DOK6: variants seen among roughly 807,000 people sequenced by gnomAD.
The protein encoded by DOK6 is downstream of tyrosine kinase 6.
A neutral mutation model predicts 44.0 loss-of-function variants in DOK6; 22 were observed. The ratio of observed to expected loss-of-function variants is 0.50; its 90% CI spans 0.36 to 0.71. The LOEUF is 0.71. Ranked by LOEUF, DOK6 falls within the 30% of genes least tolerant of loss-of-function variation. The pLI is 0.00. For missense variants in DOK6, 340 were observed against 416.4 expected, an observed-to-expected ratio of 0.82 and a Z score of 1.60; for synonymous variants, 166 against 145.5, an observed-to-expected ratio of 1.14 and a Z score of -1.01.
chr18:69,564,633 G>A, intron 2 of DOK6, 39 bp downstream of exon 2: 1 of 1,506,758 alleles, frequency 6.6e-7, no homozygotes. Flanking sequence ...GAATAACTGG[G>A]CCCTTGAAGA....
intron 1 of DOK6, among the ~76,000 whole-genome samples, chr18:69,417,479 G>A (rs1320616086): frequency 2.0e-5 from 3 of 152,008 alleles, no homozygotes; most frequent in Non-Finnish European, 2.9e-5. Flanking sequence ...TGAATACTTA[G>A]GTTGATACCA....
intron 3 of DOK6, among the ~76,000 whole-genome samples, chr18:69,626,293 T>A (rs4243312): frequency 0.7 from 106,597 of 152,098 alleles, 40,379 homozygotes; most frequent in Non-Finnish European, 0.85. Flanking sequence ...TAAGCCAGAG[T>A]TGTATTTCAT....
At chr18:69,648,824 ATTC>A (rs968631665) in intron 3 of DOK6, among the ~76,000 whole-genome samples, 1 of 152,162 alleles carries the variant, frequency 6.6e-6, no homozygotes, top group African/African-American at 2.4e-5. Context: ...ACAGTAGTAA[ATTC>A]TTTTTTATTT....
chr18:69,700,218 T>TATATATATATATATATATAC (rs1986486384), intron 5 of DOK6, among the ~76,000 whole-genome samples: 1 of 104,246 alleles, frequency 9.6e-6, no homozygotes, highest in Admixed American at 1.0e-4. Context: ...TATATATACA[T>TATATATATATATATATATAC]ATATATATAT....
At chr18:69,704,547 C>A (rs1480287174) in intron 5 of DOK6, among the ~76,000 whole-genome samples, 1 of 144,556 alleles carries the variant, frequency 6.9e-6, no homozygotes, top group Admixed American at 7.2e-5. Flanking sequence ...GGCGCAATCT[C>A]GGCTCACTGC....
At chr18:69,500,781 T>C (rs930846424) in intron 1 of DOK6, among the ~76,000 whole-genome samples, 6 of 152,178 alleles carry the variant, frequency 3.9e-5, no homozygotes, top group African/African-American at 1.4e-4. Flanking sequence ...TTAATTTCAG[T>C]CAATATAGTT....
At chr18:69,414,443 G>A (rs1288213355) in intron 1 of DOK6, among the ~76,000 whole-genome samples, 4 of 152,008 alleles carry the variant, frequency 2.6e-5, no homozygotes, top group African/African-American at 9.7e-5. Flanking sequence ...GAAAATTATG[G>A]TGGGTGTCTA....
chr18:69,583,835 G>C (rs183908656), intron 2 of DOK6, among the ~76,000 whole-genome samples: 5 of 151,978 alleles, frequency 3.3e-5, no homozygotes, highest in African/African-American at 1.2e-4. Flanking sequence ...TGGGCTGGGC[G>C]AGGTGGCTCA....
intron 1 of DOK6, among the ~76,000 whole-genome samples, chr18:69,413,862 A>T (rs968969002): frequency 2.6e-5 from 4 of 151,908 alleles, no homozygotes; most frequent in African/African-American, 9.7e-5. Flanking sequence ...ACAAAAAACT[A>T]GTATAAGACA....
chr18:69,545,347 T>C (rs1982375302), intron 1 of DOK6, among the ~76,000 whole-genome samples: 1 of 150,284 alleles, frequency 6.7e-6, no homozygotes, highest in African/African-American at 2.4e-5. Flanking sequence ...TAGTTTTCAT[T>C]CTTATTGTAA....
intron 6 of DOK6, among the ~76,000 whole-genome samples, chr18:69,744,665 C>T (rs1331510524): frequency 6.6e-6 from 1 of 152,100 alleles, no homozygotes; most frequent in Non-Finnish European, 1.5e-5. Context: ...TGGCTCACGC[C>T]TGTAACCCCT....
At chr18:69,473,784 A>C (rs1196727015) in intron 1 of DOK6, among the ~76,000 whole-genome samples, 1 of 152,198 alleles carries the variant, frequency 6.6e-6, no homozygotes, top group Non-Finnish European at 1.5e-5. Flanking sequence ...AATGGCTTTG[A>C]CCACATGTCT....
intron 3 of DOK6, among the ~76,000 whole-genome samples, chr18:69,645,919 G>A (rs1342246394): frequency 1.3e-5 from 2 of 152,118 alleles, no homozygotes; most frequent in African/African-American, 4.8e-5. Flanking sequence ...CTTCTGGAAT[G>A]TTCCACTACT....
chr18:69,638,359 G>A (rs1226425050), intron 3 of DOK6, among the ~76,000 whole-genome samples: 1 of 152,124 alleles, frequency 6.6e-6, no homozygotes, highest in Non-Finnish European at 1.5e-5. Flanking sequence ...AGTAAAATAT[G>A]GATTCCACTA....
chr18:69,402,690 T>G (rs1238947399), intron 1 of DOK6, among the ~76,000 whole-genome samples: 1 of 152,150 alleles, frequency 6.6e-6, no homozygotes, highest in African/African-American at 2.4e-5. Flanking sequence ...GCTGGGAGGC[T>G]GCAAGAGCGA....
Position 69,769,727 on chromosome 18 carries a change from C to T in DOK6, c.856+11854C>T, listed in dbSNP as rs1979832628. Among the ~76,000 whole-genome samples, 2 of 151,982 alleles carry T rather than the reference C, an allele frequency of 1.3e-5. 1 individual carries two copies. Among genetic ancestry groups the T allele is most frequent in the South Asian group, 4.2e-4 (2 of 4,818 alleles). ...ACTGCTGTATATAAAATTAAAAATCCCAATAATTAATTTCCTAATCTACTA... is the reference window on the plus strand; with the variant it reads ...ACTGCTGTATATAAAATTAAAAATCTCAATAATTAATTTCCTAATCTACTA... On this transcript the variant is annotated intron_variant, in intron 7 of 7. Coordinates refer to ENST00000382713, the MANE Select transcript of DOK6 (RefSeq NM_152721.6).
At chr18:69,579,414 A>C (rs1262160559) in intron 2 of DOK6, among the ~76,000 whole-genome samples, 5 of 152,128 alleles carry the variant, frequency 3.3e-5, no homozygotes, top group Non-Finnish European at 7.4e-5. Flanking sequence ...GGAATTCTCT[A>C]ATTGTTTTTA....
intron 3 of DOK6, among the ~76,000 whole-genome samples, chr18:69,626,209 A>G (rs1009719746): frequency 2.0e-5 from 3 of 152,214 alleles, no homozygotes; most frequent in Non-Finnish European, 4.4e-5. Context: ...TTTTTCACAA[A>G]TATAAAATCT....
At chr18:69,522,438 A>C (rs1981713467) in intron 1 of DOK6, among the ~76,000 whole-genome samples, 1 of 152,006 alleles carries the variant, frequency 6.6e-6, no homozygotes, top group Non-Finnish European at 1.5e-5. Flanking sequence ...GTACATTCAG[A>C]GTGTATGTTT....
Sources: allele counts gnomAD v4.1 joint callset (sites outside exome capture counted in the v4.1 genomes callset), GRCh38; gene constraint gnomAD v4.1.1; transcripts MANE v1.5; gene names NCBI Gene and HGNC (gene_info 2026-07-23, HGNC 2026-07-21).